ENTPD7: variants seen among roughly 807,000 people sequenced by gnomAD.
The protein encoded by ENTPD7 is ectonucleoside triphosphate diphosphohydrolase 7.
A neutral mutation model predicts 77.9 loss-of-function variants in ENTPD7; 53 were observed. The observed-to-expected ratio is 0.68, with a 90% CI of 0.55 to 0.85. The LOEUF (loss-of-function observed/expected upper bound fraction) is 0.85. ENTPD7 is among the 40% of genes least tolerant of loss of function. The pLI is 0.00. For synonymous variants in ENTPD7, 248 were observed against 274.9 expected, an observed-to-expected ratio of 0.90 and a Z score of 0.97; for missense variants, 636 against 743.7, an observed-to-expected ratio of 0.86 and a Z score of 1.68.
At chr10:99,673,242 G>A (rs140061164) in intron 3 of ENTPD7, among the ~76,000 whole-genome samples, 89 of 152,224 alleles carry the variant, frequency 5.8e-4, no homozygotes, top group African/African-American at 2.0e-3. Flanking sequence ...GGCTAGTGTG[G>A]CATCGGCAAA....
In ENTPD7 at chr10:99,705,538, T is replaced by C. The variant is rs1437606074; in HGVS notation, c.*855T>C. 6.6e-6 allele frequency: 1 copy of C among 152,206 alleles called. No homozygotes were observed. Among genetic ancestry groups the C allele is most frequent in the Non-Finnish European group, 1.5e-5 (1 of 68,032 alleles). 9.4% of individuals were successfully genotyped at this position (152,206 alleles called of 1,614,324 possible). A position where few individuals can be genotyped will look rare whatever the true frequency, so the allele number is the denominator to read the frequency against. On this transcript the variant is annotated 3_prime_UTR_variant, in exon 13 of 13. Transcript: ENST00000370489. ...AGGTCACTGTTCCCTGGGCCTGTTTTTGTGAGCCCTTACACAGGAAGATAT... is the reference window on the plus strand; with the variant it reads ...AGGTCACTGTTCCCTGGGCCTGTTTCTGTGAGCCCTTACACAGGAAGATAT...
intron 3 of ENTPD7, among the ~76,000 whole-genome samples, chr10:99,671,518 A>AT (rs1378067769): frequency 3.3e-5 from 5 of 152,138 alleles, no homozygotes; most frequent in Non-Finnish European, 7.4e-5. Context: ...AGTAATAGGA[A>AT]TTTTTTCAGT....
intron 5 of ENTPD7, among the ~76,000 whole-genome samples, chr10:99,684,294 C>G (rs1276117879): frequency 2.0e-5 from 3 of 152,174 alleles, no homozygotes; most frequent in African/African-American, 7.2e-5. Flanking sequence ...TCAGGTTATC[C>G]ATGTGCCTCA....
intron 2 of ENTPD7, chr10:99,660,224 C>G (rs1024344102): frequency 2.5e-6 from 2 of 794,100 alleles, no homozygotes; most frequent in Non-Finnish European, 3.1e-6. Context: ...AACATTGATT[C>G]AGATTCGCAT....
At chr10:99,690,204 CCCTAGA>C (rs1293989353) in intron 7 of ENTPD7, among the ~76,000 whole-genome samples, 1 of 152,114 alleles carries the variant, frequency 6.6e-6, no homozygotes, top group Non-Finnish European at 1.5e-5. Flanking sequence ...ATACTTTCTA[CCCTAGA>C]CCTGGCATTG....
At chr10:99,674,342 A>G (rs773829838) in intron 3 of ENTPD7, among the ~76,000 whole-genome samples, 20 of 152,188 alleles carry the variant, frequency 1.3e-4, no homozygotes, top group Non-Finnish European at 2.5e-4. Flanking sequence ...AACATATACA[A>G]TTTACCATTT....
intron 8 of ENTPD7, among the ~76,000 whole-genome samples, chr10:99,695,639 T>C (rs1385370504): frequency 6.6e-6 from 1 of 152,200 alleles, no homozygotes; most frequent in Admixed American, 6.5e-5. Context: ...ACATTCCCAT[T>C]GAGGGAATTG....
At position 99,704,477 on chromosome 10, in the gene ENTPD7, C is replaced by CA; in HGVS notation, c.1611dup (p.Ala538SerfsTer4). On this transcript the variant is annotated frameshift_variant, in exon 13 of 13. Coordinates refer to ENST00000370489, the MANE Select transcript of ENTPD7 (RefSeq NM_020354.5). LOFTEE classifies it high-confidence loss of function. Reference sequence around the variant, plus strand: ...GGATCTTCGGCAGGAAGGTGTCCGACAAGCCCATGGTAGCTGGTTCCGTCT... The same window carrying CA: ...GGATCTTCGGCAGGAAGGTGTCCGACAAAGCCCATGGTAGCTGGTTCCGTCT... The CA allele has an allele frequency of 6.2e-7, 1 of 1,614,246 alleles. No homozygotes were observed. Among genetic ancestry groups the CA allele is most frequent in the Non-Finnish European group, 8.5e-7 (1 of 1,180,028 alleles).
rs192215202 is a variant in ENTPD7, at chr10:99,710,804, C to G, written c.*6121C>G. On this transcript the variant is annotated 3_prime_UTR_variant, in exon 13 of 13. Coordinates refer to ENST00000370489, the MANE Select transcript of ENTPD7 (RefSeq NM_020354.5). ...TGCTTTAGGGAGTTGCTAGTCATTA[C>G]CCCTGCTACAATAGATAGTATTTGT... The G allele has an allele frequency of 2.0e-4, 193 of 985,352 alleles. No individual in the cohort carries two copies. In the Middle Eastern group the frequency reaches 3.1e-3, roughly 16 times the overall value. 61.0% of individuals were successfully genotyped at this position (985,352 alleles called of 1,614,324 possible).
chr10:99,661,956 C>T lies in ENTPD7; in HGVS notation c.191+328C>T, dbSNP rs1320047423. On this transcript the variant is annotated intron_variant, in intron 3 of 12. Coordinates refer to ENST00000370489, the MANE Select transcript of ENTPD7 (RefSeq NM_020354.5). The stretch of plus-strand genomic sequence containing the variant: ...GATTTTCTTTATCCTTGATTATATA[C>T]TTTGCTCTGAAATCTACTAGTCTGG... 2.6e-5 allele frequency among the ~76,000 whole-genome samples: 4 copies of T among 152,302 alleles called. No homozygotes were observed. In the East Asian group the frequency reaches 7.7e-4, roughly 29 times the overall value.
chr10:99,674,062 A>G (rs1006668704), intron 3 of ENTPD7, among the ~76,000 whole-genome samples: 1 of 152,206 alleles, frequency 6.6e-6, no homozygotes, highest in African/African-American at 2.4e-5. Flanking sequence ...GGCCTTTTCA[A>G]ATCATTCTGG....
At chr10:99,660,077 T>C (rs1034245131) in intron 2 of ENTPD7, 113 bp downstream of exon 2, 1 of 1,508,058 alleles carries the variant, frequency 6.6e-7, no homozygotes, top group African/African-American at 1.4e-5. Flanking sequence ...GCACTTGGAC[T>C]TTGTATTCTG....
At chr10:99,689,901 C>T (rs1368706797) in intron 7 of ENTPD7, among the ~76,000 whole-genome samples, 1 of 152,164 alleles carries the variant, frequency 6.6e-6, no homozygotes, top group Admixed American at 6.5e-5. Context: ...GTTACCCTGA[C>T]ATATAGTTCT....
chr10:99,689,665 A>G (rs2035856434), intron 7 of ENTPD7, among the ~76,000 whole-genome samples: 1 of 152,224 alleles, frequency 6.6e-6, no homozygotes, highest in African/African-American at 2.4e-5. Flanking sequence ...TGTCATGCTC[A>G]GACTGATCAG....
At chr10:99,669,133 C>T (rs1163788543) in intron 3 of ENTPD7, among the ~76,000 whole-genome samples, 3 of 151,412 alleles carry the variant, frequency 2.0e-5, no homozygotes, top group African/African-American at 7.3e-5. Context: ...CTGCCTTGGC[C>T]TCGCAAAGTG....
chr10:99,680,769 GT>G (rs1486635059), intron 5 of ENTPD7, among the ~76,000 whole-genome samples: 1 of 151,940 alleles, frequency 6.6e-6, no homozygotes, highest in African/African-American at 2.4e-5. Context: ...GTGGAGCCAG[GT>G]TTCACCATGT....
chr10:99,660,543 C>T, intron 2 of ENTPD7: 1 of 348,530 alleles, frequency 2.9e-6, no homozygotes, highest in Non-Finnish European at 5.7e-6. Context: ...CACACACACA[C>T]ACACACACAC....
intron 6 of ENTPD7, among the ~76,000 whole-genome samples, chr10:99,686,567 ATCT>A (rs1408749795): frequency 6.6e-6 from 1 of 152,016 alleles, no homozygotes; most frequent in Non-Finnish European, 1.5e-5. Context: ...TTCTATTTTG[ATCT>A]TCTTAATATT....
At chr10:99,660,826 G>A (rs1156689966) in intron 2 of ENTPD7, among the ~76,000 whole-genome samples, 2 of 152,040 alleles carry the variant, frequency 1.3e-5, no homozygotes, top group Admixed American at 6.6e-5. Flanking sequence ...GGAGGCTGAG[G>A]GAGAAGAATC....
Sources: allele counts gnomAD v4.1 joint callset (sites outside exome capture counted in the v4.1 genomes callset), GRCh38; gene constraint gnomAD v4.1.1; transcripts MANE v1.5; gene names NCBI Gene and HGNC (gene_info 2026-07-23, HGNC 2026-07-21).